The following ALK variants were observed in gnomAD, a reference collection of about 807,000 sequenced individuals.
ALK encodes the protein ALK receptor tyrosine kinase.
ALK carries 74 observed loss-of-function variants against 163.1 expected under a neutral mutation model. The ratio of observed to expected loss-of-function variants is 0.45; its 90% CI spans 0.38 to 0.55. The LOEUF is 0.55. ALK is among the 20% of genes least tolerant of loss of function. ALK has a pLI of 0.00. For synonymous variants in ALK, 960 were observed against 843.2 expected (o/e 1.14, Z -2.40); for missense variants, 2,063 against 2,105.3 (o/e 0.98, Z 0.39).
chr2:29,381,122 G>A (rs534784210), intron 5 of ALK, among the ~76,000 whole-genome samples: 18 of 152,230 alleles, frequency 1.2e-4, no homozygotes, highest in South Asian at 2.1e-4. Flanking sequence ...ACTTGGGATC[G>A]AGTTTGACTC....
At chr2:29,537,101 T>C (rs1268222818) in intron 3 of ALK, among the ~76,000 whole-genome samples, 1 of 152,186 alleles carries the variant, frequency 6.6e-6, no homozygotes, top group African/African-American at 2.4e-5. Context: ...ACTCAGGTAG[T>C]AGAAAGGAAA....
chr2:29,451,008 T>C (rs773296609), intron 4 of ALK, among the ~76,000 whole-genome samples: 23 of 152,316 alleles, frequency 1.5e-4, no homozygotes, highest in Non-Finnish European at 2.8e-4. Flanking sequence ...CCCTGATTTG[T>C]GTAAATAAAC....
intron 22 of ALK, chr2:29,221,334 G>C (rs1669800094): frequency 4.3e-6 from 2 of 461,490 alleles, no homozygotes; most frequent in African/African-American, 3.9e-5. Flanking sequence ...CCTCATGGGA[G>C]GGACCAAGAC....
chr2:29,488,753 G>T (rs1473682664), intron 4 of ALK, among the ~76,000 whole-genome samples: 1 of 152,252 alleles, frequency 6.6e-6, no homozygotes, highest in East Asian at 1.9e-4. Context: ...GGGATGGGAA[G>T]TGGGAATACC....
intron 3 of ALK, among the ~76,000 whole-genome samples, chr2:29,575,837 T>G (rs753069167): frequency 6.6e-6 from 1 of 152,212 alleles, no homozygotes; most frequent in Non-Finnish European, 1.5e-5. Context: ...TCAAGTCTGC[T>G]GGGGTTGCCA....
At chr2:29,496,564 A>C (rs958661794) in intron 4 of ALK, among the ~76,000 whole-genome samples, 1 of 151,652 alleles carries the variant, frequency 6.6e-6, no homozygotes, top group Non-Finnish European at 1.5e-5. Context: ...TACAATAAAT[A>C]AAAAAAAATG....
intron 28 of ALK, 42 bp from the exon 29 acceptor site, chr2:29,193,964 A>G (rs746816756): frequency 6.3e-7 from 1 of 1,584,392 alleles, no homozygotes; most frequent in South Asian, 1.1e-5. Context: ...TCAGAGACAA[A>G]AAATGTTGGA....
chr2:29,576,580 CAGCCATGCT>C (rs1261483320), intron 3 of ALK, among the ~76,000 whole-genome samples: 1 of 152,198 alleles, frequency 6.6e-6, no homozygotes, highest in Non-Finnish European at 1.5e-5. Flanking sequence ...ATGCCTCTGA[CAGCCATGCT>C]AGCAGGTCCT....
At chr2:29,856,928 G>A (rs542754722) in intron 1 of ALK, among the ~76,000 whole-genome samples, 11 of 152,288 alleles carry the variant, frequency 7.2e-5, no homozygotes, top group South Asian at 6.2e-4. Context: ...AATAGGCACC[G>A]TTCTCAGTTG....
chr2:29,903,517 A>T (rs1667467655), intron 1 of ALK, among the ~76,000 whole-genome samples: 1 of 152,110 alleles, frequency 6.6e-6, no homozygotes, highest in South Asian at 2.1e-4. Context: ...AAGAGAAAAT[A>T]GTTTTTATGT....
At chr2:29,637,511 C>A (rs1222906447) in intron 3 of ALK, among the ~76,000 whole-genome samples, 2 of 152,068 alleles carry the variant, frequency 1.3e-5, no homozygotes, top group East Asian at 3.9e-4. Context: ...GAGTTCGAGG[C>A]CAGCCTGGCC....
intron 4 of ALK, among the ~76,000 whole-genome samples, chr2:29,407,314 C>T (rs955909448): frequency 6.6e-6 from 1 of 152,226 alleles, no homozygotes; most frequent in Non-Finnish European, 1.5e-5. Flanking sequence ...CTTTCTAATT[C>T]CACCTTTGTC....
intron 1 of ALK, among the ~76,000 whole-genome samples, chr2:29,807,771 T>C (rs1037697571): frequency 4.6e-5 from 7 of 152,232 alleles, no homozygotes; most frequent in African/African-American, 1.7e-4. Context: ...CAGTATAGAA[T>C]CCATACTATT....
intron 3 of ALK, among the ~76,000 whole-genome samples, chr2:29,686,101 A>G (rs1347249969): frequency 6.6e-6 from 1 of 152,164 alleles, no homozygotes; most frequent in East Asian, 1.9e-4. Flanking sequence ...TGCCCTATAA[A>G]GTAATATCTT....
At chr2:29,390,927 T>G (rs1299733093) in intron 4 of ALK, among the ~76,000 whole-genome samples, 3 of 152,174 alleles carry the variant, frequency 2.0e-5, no homozygotes, top group Admixed American at 1.3e-4. Flanking sequence ...ACAAGTTAGA[T>G]GAATGTGCTC....
chr2:29,438,973 T>C (rs1380475047), intron 4 of ALK, among the ~76,000 whole-genome samples: 1 of 152,226 alleles, frequency 6.6e-6, no homozygotes, highest in Non-Finnish European at 1.5e-5. Context: ...AGACCAGCCC[T>C]GCCTGTGGGA....
At chr2:29,509,103 G>C (rs1480139096) in intron 4 of ALK, among the ~76,000 whole-genome samples, 1 of 152,198 alleles carries the variant, frequency 6.6e-6, no homozygotes, top group East Asian at 1.9e-4. Flanking sequence ...CCATGGTCAT[G>C]TGTGGAGGCT....
rs974134109 is a variant in ALK at position 29,782,534 on chromosome 2, C to T, written c.668-64837G>A. ...TCCTGTGCCTGGCCAGCGTTAACCC[C>T]GCCCCACTCCAGCAAGATCCCCTCT... On this transcript the variant is annotated intron_variant, in intron 1 of 28. Coordinates refer to ENST00000389048, the MANE Select transcript of ALK (RefSeq NM_004304.5). Among the ~76,000 whole-genome samples, 10 of 152,314 alleles carry T rather than the reference C, an allele frequency of 6.6e-5. No individual in the cohort carries two copies. The East Asian group carries it at 1.2e-3, about 18-fold the overall frequency.
chr2:29,667,461 T>C (rs1300529841), intron 3 of ALK, among the ~76,000 whole-genome samples: 1 of 152,122 alleles, frequency 6.6e-6, no homozygotes, highest in Non-Finnish European at 1.5e-5. Flanking sequence ...TTCTCACATA[T>C]GGCATTTGTT....
Sources: allele counts gnomAD v4.1 joint callset (sites outside exome capture counted in the v4.1 genomes callset), GRCh38; gene constraint gnomAD v4.1.1; transcripts MANE v1.5; gene names NCBI Gene and HGNC (gene_info 2026-07-23, HGNC 2026-07-21).